The following CCDC178 variants were observed in gnomAD, a reference collection of about 807,000 sequenced individuals.
The protein encoded by CCDC178 is coiled-coil domain-containing protein 178.
In CCDC178, 126 loss-of-function variants were observed where a neutral mutation model predicts 117.4. The ratio of observed to expected loss-of-function variants is 1.07; its 90% CI spans 0.93 to 1.24. The LOEUF is 1.24. Among genes scored for constraint, CCDC178 ranks in the 50% most tolerant of loss-of-function variants. The pLI, the probability that CCDC178 is intolerant of heterozygous loss-of-function variation, is 0.00. For missense variants in CCDC178, 1,030 were observed against 986.9 expected (o/e 1.04, Z -0.59); for synonymous variants, 283 against 313.4 (o/e 0.90, Z 1.02).
chr18:33,003,693 C>T (rs758704396), intron 21 of CCDC178, among the ~76,000 whole-genome samples: 19 of 151,706 alleles, frequency 1.3e-4, no homozygotes, highest in Non-Finnish European at 2.4e-4. Flanking sequence ...AGCAATGAGA[C>T]GAGAAAGAAA....
chr18:33,039,961 C>T lies in CCDC178; in HGVS notation c.2388+52800G>A, dbSNP rs78173702. ...TAAGACATAACAGAAAAATTAACAA[C>T]GATAACAACCACAAGAAAATCCAGG... On this transcript the variant is annotated intron_variant, in intron 21 of 22. Transcript: ENST00000383096. Among the ~76,000 whole-genome samples the T allele has an allele frequency of 2.7e-4, 41 of 151,756 alleles. No homozygotes were observed. The East Asian group carries it at 5.2e-3, about 19-fold the overall frequency.
At position 33,215,598 on chromosome 18, in the gene CCDC178, G is replaced by C; in HGVS notation, c.2030C>G (p.Ala677Gly). The change falls in exon 19 of 23, where the codon GCA (alanine) becomes GGA (glycine). Residue 677 changes from alanine (A) to glycine (G), a missense_variant. Physicochemically the swap from Ala to Gly is moderately conservative, Grantham distance 60 (BLOSUM62 0). Transcript: ENST00000383096. The stretch of plus-strand genomic sequence containing the variant: ...AAAACTTTTCTTTTCTTCTTCTTTT[G>C]CTTTTAATTCCTCATTCAATTCATT... ...KINELNEELK[A>G]KEEEKKSFDQ... The C allele has an allele frequency of 2.0e-6, 3 of 1,497,372 alleles. No individual in the cohort carries two copies. The highest frequency in any genetic ancestry group is 2.4e-5 in the Admixed American group (1 of 42,316). The allele number at this position is 1,497,372 out of a possible 1,614,324, so 92.8% of individuals were successfully genotyped here.
Position 33,267,286 on chromosome 18 carries a change from C to G in CCDC178, c.1188G>C (p.Leu396Phe). 1 of 1,590,012 alleles carries G rather than the reference C, an allele frequency of 6.3e-7. No homozygotes were observed. Among genetic ancestry groups the G allele is most frequent in the Non-Finnish European group, 8.5e-7 (1 of 1,170,044 alleles). ...AGGTTAGTTGGTCATAAACTCTTCT[C>G]AAATCTTCCAGCTAAGAAAGAAGAT... ...LHSLSKMLED[L>F]RRVYDQLTWK... The change falls in exon 13 of 23, where the codon TTG becomes TTC. Residue 396 changes from leucine (L) to phenylalanine (F), a missense_variant. Coordinates refer to ENST00000383096, the MANE Select transcript of CCDC178 (RefSeq NM_001105528.4).
intron 20 of CCDC178, among the ~76,000 whole-genome samples, chr18:33,201,959 C>T (rs1231802908): frequency 6.6e-6 from 1 of 152,078 alleles, no homozygotes; most frequent in Non-Finnish European, 1.5e-5. Flanking sequence ...ATATTTTCTA[C>T]TTTATTTCAA....
chr18:33,044,212 G>A (rs1055920210), intron 21 of CCDC178, among the ~76,000 whole-genome samples: 2 of 151,850 alleles, frequency 1.3e-5, no homozygotes, highest in Non-Finnish European at 2.9e-5. Flanking sequence ...AGCCTCTACA[G>A]GAACTGTAAA....
chr18:33,096,188 T>G (rs892674863), intron 20 of CCDC178, among the ~76,000 whole-genome samples: 8 of 149,984 alleles, frequency 5.3e-5, no homozygotes, highest in Non-Finnish European at 8.9e-5. Context: ...TTTTCTCCAC[T>G]TTCAGTTTAT....
chr18:33,042,684 A>G (rs1191835511), intron 21 of CCDC178, among the ~76,000 whole-genome samples: 1 of 151,884 alleles, frequency 6.6e-6, no homozygotes, highest in Non-Finnish European at 1.5e-5. Context: ...TACTAGGTGA[A>G]TTTTACTATT....
At chr18:33,089,220 TA>T (rs2057426312) in intron 21 of CCDC178, among the ~76,000 whole-genome samples, 1 of 152,086 alleles carries the variant, frequency 6.6e-6, no homozygotes, top group African/African-American at 2.4e-5. Context: ...AAGCTTTACA[TA>T]ACCTGATTAG....
chr18:33,074,332 C>T (rs766860321), intron 21 of CCDC178, among the ~76,000 whole-genome samples: 1 of 152,012 alleles, frequency 6.6e-6, no homozygotes, highest in Non-Finnish European at 1.5e-5. Context: ...CCCTTTATGC[C>T]CTGTTCCAAT....
chr18:33,020,116 G>T (rs190861343), intron 21 of CCDC178, among the ~76,000 whole-genome samples: 6,338 of 135,580 alleles, frequency 0.047, 230 homozygotes, highest in African/African-American at 0.1. Flanking sequence ...CGGATAATTG[G>T]TTTTTTTTTT....
chr18:33,436,522 T>C (rs948397229), intron 2 of CCDC178, among the ~76,000 whole-genome samples: 1 of 152,168 alleles, frequency 6.6e-6, no homozygotes, highest in African/African-American at 2.4e-5. Context: ...AATCTATGCA[T>C]CTAATAGGTT....
intron 22 of CCDC178, among the ~76,000 whole-genome samples, chr18:32,955,488 A>AT (rs1210503882): frequency 8.6e-5 from 13 of 151,982 alleles, no homozygotes; most frequent in African/African-American, 1.9e-4. Flanking sequence ...CTCTTAGCTG[A>AT]TTTTTTCTAT....
intron 2 of CCDC178, among the ~76,000 whole-genome samples, chr18:33,415,429 G>T (rs1351008879): frequency 3.3e-5 from 5 of 151,906 alleles, no homozygotes; most frequent in South Asian, 2.1e-4. Context: ...GAACCCATCA[G>T]TCTCAGCAAA....
chr18:33,208,108 G>A (rs1181562189), intron 20 of CCDC178, among the ~76,000 whole-genome samples: 1 of 151,946 alleles, frequency 6.6e-6, no homozygotes, highest in African/African-American at 2.4e-5. Flanking sequence ...AAAGCAATAC[G>A]ATAAGCCTAA....
At chr18:33,314,186 G>A (rs1194900772) in intron 11 of CCDC178, among the ~76,000 whole-genome samples, 2 of 117,446 alleles carry the variant, frequency 1.7e-5, no homozygotes, top group Admixed American at 1.0e-4. Flanking sequence ...GGGTGACAGA[G>A]CGAGACTCCG....
intron 15 of CCDC178, among the ~76,000 whole-genome samples, chr18:33,227,554 GTGTATA>G (rs1305662498): frequency 7.3e-4 from 54 of 74,392 alleles, no homozygotes; most frequent in East Asian, 3.6e-3. Context: ...GTGTGTGTGT[GTGTATA>G]TATATATATA....
chr18:32,956,954 A>G (rs2054608414), intron 22 of CCDC178: 1 of 149,544 alleles, frequency 6.7e-6, no homozygotes, highest in Non-Finnish European at 1.5e-5. Context: ...CAGGATAAAT[A>G]TTTCTAAAGG....
At chr18:33,200,390 C>G (rs992248206) in intron 20 of CCDC178, among the ~76,000 whole-genome samples, 1 of 152,202 alleles carries the variant, frequency 6.6e-6, no homozygotes, top group African/African-American at 2.4e-5. Flanking sequence ...CCAGCGGAAA[C>G]ATCTGCGAAG....
intron 10 of CCDC178, among the ~76,000 whole-genome samples, chr18:33,324,543 G>GA (rs1204671553): frequency 6.6e-6 from 1 of 151,818 alleles, no homozygotes; most frequent in Admixed American, 6.6e-5. Context: ...CTCACCAGTG[G>GA]AACAGAAGAA....
Sources: allele counts gnomAD v4.1 joint callset (sites outside exome capture counted in the v4.1 genomes callset), GRCh38; gene constraint gnomAD v4.1.1; transcripts MANE v1.5; gene names NCBI Gene and HGNC (gene_info 2026-07-23, HGNC 2026-07-21).